The following ARHGAP8 variants were observed in gnomAD, a reference collection of about 807,000 sequenced individuals.
ARHGAP8 encodes the protein Rho GTPase activating protein 8.
ARHGAP8 carries 62 observed loss-of-function variants against 46.1 expected under a neutral mutation model. The observed-to-expected ratio is 1.34, with a 90% confidence interval of 1.10 to 1.66. The LOEUF is 1.66. Among genes scored for constraint, ARHGAP8 ranks in the 40% most tolerant of loss-of-function variants. The pLI is 0.00. For synonymous variants in ARHGAP8, 375 were observed against 243.1 expected (o/e 1.54, Z -5.05); for missense variants, 923 against 568.4 (o/e 1.62, Z -6.34).
chr22:44,764,104 G>T (rs1204203180), intron 1 of ARHGAP8, among the ~76,000 whole-genome samples: 1 of 152,044 alleles, frequency 6.6e-6, no homozygotes, highest in Non-Finnish European at 1.5e-5. Flanking sequence ...GAGCCACCGC[G>T]CCCGGCCATG....
chr22:44,830,744 G>A (rs1268925900), intron 7 of ARHGAP8, among the ~76,000 whole-genome samples: 1 of 151,894 alleles, frequency 6.6e-6, no homozygotes, highest in Non-Finnish European at 1.5e-5. Flanking sequence ...TCACCATGTT[G>A]GCCAGGCTGG....
chr22:44,797,760 G>A (rs1285456591), intron 2 of ARHGAP8, among the ~76,000 whole-genome samples: 1 of 152,172 alleles, frequency 6.6e-6, no homozygotes, highest in Non-Finnish European at 1.5e-5. Flanking sequence ...GCGCGCGTGT[G>A]TGTGCGCTCA....
At chr22:44,816,833 C>G (rs952544900) in intron 5 of ARHGAP8, among the ~76,000 whole-genome samples, 1 of 148,122 alleles carries the variant, frequency 6.8e-6, no homozygotes, top group Non-Finnish European at 1.5e-5. Context: ...AAGAACTGCC[C>G]TGCCAGGCGG....
At chr22:44,814,018 G>A (rs1041058053) in intron 4 of ARHGAP8, among the ~76,000 whole-genome samples, 2 of 152,098 alleles carry the variant, frequency 1.3e-5, no homozygotes, top group East Asian at 1.9e-4. Context: ...AGGACACACC[G>A]TCCCCCACTC....
rs1333815558 is a variant in ARHGAP8 at position 44,802,265 on chromosome 22, G to A, written c.167+101G>A. 7.5e-6 allele frequency: 11 copies of A among 1,463,238 alleles called. No individual in the cohort carries two copies. The East Asian group carries it at 2.6e-4, about 35-fold the overall frequency. The allele number at this position is 1,463,238 out of a possible 1,614,324, so 90.6% of individuals were successfully genotyped here. A position where few individuals can be genotyped will look rare whatever the true frequency, so the allele number is the denominator to read the frequency against. ...TCTGAGTCATCTGCTGTGGTCTGGG[G>A]CCTCCTTTGTGACCTTGCTGGTGTG... On this transcript the variant is annotated intron_variant, in intron 3 of 11. Transcript: ENST00000356099.
At chr22:44,818,707 CTT>C (rs201353111) in intron 5 of ARHGAP8, among the ~76,000 whole-genome samples, 26 of 151,346 alleles carry the variant, frequency 1.7e-4, no homozygotes, top group African/African-American at 5.8e-4. Context: ...TTCCTTTTCT[CTT>C]TTTTTTTCAT....
At position 44,813,531 on chromosome 22, in the gene ARHGAP8, A is replaced by G. The variant is rs557209155; in HGVS notation, c.300-1141A>G. Among the ~76,000 whole-genome samples the G allele has an allele frequency of 3.3e-5, 5 of 151,758 alleles. No homozygotes were observed. In the South Asian group the frequency reaches 1.0e-3, roughly 32 times the overall value. ...TACATACACATACATATACACACCTACGTATACTATACACTTATATACACA... is the reference window on the plus strand; with the variant it reads ...TACATACACATACATATACACACCTGCGTATACTATACACTTATATACACA... On this transcript the variant is annotated intron_variant, in intron 4 of 11. Coordinates refer to ENST00000356099, the MANE Select transcript of ARHGAP8 (RefSeq NM_181335.3).
rs763391611 is a variant in ARHGAP8, at chr22:44,847,980, C to T, written c.678C>T (p.Arg226=). The change falls in exon 9 of 12, where the codon CGC becomes CGT. Residue 226 remains arginine (R), a synonymous_variant. Transcript: ENST00000356099. ...TVTYLREKGL[R]TEGLFRRSAS... ...GAAGCTCCTCTCCTGCAGGCCTGCG[C>T]ACCGAGGGCCTGTTCCGGAGATCCG... 3.4e-5 allele frequency: 54 copies of T among 1,607,638 alleles called. No individual in the cohort carries two copies. The highest frequency in any genetic ancestry group is 4.4e-5 in the Non-Finnish European group (52 of 1,179,916).
chr22:44,832,609 A>C (rs1201331969), intron 7 of ARHGAP8, among the ~76,000 whole-genome samples: 2 of 152,176 alleles, frequency 1.3e-5, no homozygotes, highest in African/African-American at 2.4e-5. Flanking sequence ...ATCTTGTATC[A>C]TGCAACCCTA....
At chr22:44,769,324 A>G (rs1443899277) in intron 1 of ARHGAP8, among the ~76,000 whole-genome samples, 2 of 152,208 alleles carry the variant, frequency 1.3e-5, no homozygotes, top group African/African-American at 4.8e-5. Context: ...ACTGACCTGT[A>G]TGTCTCTCTA....
intron 7 of ARHGAP8, among the ~76,000 whole-genome samples, chr22:44,834,510 G>A (rs1044221037): frequency 6.6e-6 from 1 of 152,132 alleles, no homozygotes; most frequent in Non-Finnish European, 1.5e-5. Flanking sequence ...ATGGAGGCTT[G>A]TTATGTGGTA....
Position 44,753,566 on chromosome 22 carries a change from G to T in ARHGAP8, c.-72+939G>T, listed in dbSNP as rs150383299. Among the ~76,000 whole-genome samples, 829 of 148,416 alleles carry T rather than the reference G, an allele frequency of 5.6e-3. 5 individuals carry two copies. The highest frequency in any genetic ancestry group is 8.8e-3 in the Non-Finnish European group (590 of 66,898). ...CAATCCGCTAGCAGCCTCGGAGGTC[G>T]TCAGGAAGGCAGGGAGGCCCTGCCT... is the stretch of plus-strand genomic sequence containing the variant. On this transcript the variant is annotated intron_variant, in intron 1 of 11. Transcript: ENST00000356099.
intron 1 of ARHGAP8, among the ~76,000 whole-genome samples, chr22:44,767,502 G>A (rs1385229132): frequency 1.3e-5 from 2 of 151,916 alleles, no homozygotes; most frequent in Non-Finnish European, 2.9e-5. Context: ...TAATGTGATC[G>A]ACTATGCAGG....
At chr22:44,845,170 G>T (rs951899398) in intron 7 of ARHGAP8, 99 bp from the exon 8 acceptor site, 1 of 1,470,366 alleles carries the variant, frequency 6.8e-7, no homozygotes, top group Non-Finnish European at 9.3e-7. Context: ...CCTGGGTCCT[G>T]TGTTTTCACA....
At chr22:44,849,289 C>G in intron 10 of ARHGAP8, 1 of 717,096 alleles carries the variant, frequency 1.4e-6, no homozygotes, top group Non-Finnish European at 2.2e-6. Context: ...TCAGGGTTGT[C>G]CAGGCCGGTC....
At chr22:44,758,619 G>A (rs1371304427) in intron 1 of ARHGAP8, among the ~76,000 whole-genome samples, 1 of 151,984 alleles carries the variant, frequency 6.6e-6, no homozygotes, top group Non-Finnish European at 1.5e-5. Context: ...CAGGTAGTGG[G>A]GAGGGGGGGA....
rs1413839038 is a variant in ARHGAP8, at chr22:44,789,874, G to A, written c.79+3268G>A. ...TTCTGATACTAATATAGCCAAGACA[G>A]CTCTACCAGCTTTCTCATCACTGGT... is the stretch of plus-strand genomic sequence containing the variant. On this transcript the variant is annotated intron_variant, in intron 2 of 11. Transcript: ENST00000356099. 2.6e-5 allele frequency among the ~76,000 whole-genome samples: 4 copies of A among 152,204 alleles called. No individual in the cohort carries two copies. The East Asian group carries it at 7.7e-4, about 29-fold the overall frequency.
chr22:44,800,563 G>GTA (rs1602193951), intron 2 of ARHGAP8, among the ~76,000 whole-genome samples: 2 of 133,380 alleles, frequency 1.5e-5, no homozygotes, highest in African/African-American at 3.0e-5. Flanking sequence ...TGTGGGGGGC[G>GTA]CCCCTCCCCG....
intron 10 of ARHGAP8, among the ~76,000 whole-genome samples, chr22:44,858,695 C>T (rs372175637): frequency 2.7e-5 from 4 of 149,700 alleles, no homozygotes; most frequent in Non-Finnish European, 4.4e-5. Context: ...GACTGGAAGG[C>T]TATGGAGCTC....
Sources: allele counts gnomAD v4.1 joint callset (sites outside exome capture counted in the v4.1 genomes callset), GRCh38; gene constraint gnomAD v4.1.1; transcripts MANE v1.5; gene names NCBI Gene and HGNC (gene_info 2026-07-23, HGNC 2026-07-21).